FOXP1: variants seen among roughly 807,000 people sequenced by gnomAD.
FOXP1 encodes forkhead box P1.
Under a neutral mutation model 98.2 loss-of-function variants are expected in FOXP1, and 15 were observed. The ratio of observed to expected loss-of-function variants is 0.15; its 90% CI spans 0.10 to 0.24. The LOEUF (loss-of-function observed/expected upper bound fraction) is 0.24, where lower values mean the gene tolerates loss of function less well. Among genes scored for constraint, FOXP1 ranks in the 10% least tolerant of loss-of-function variants. The pLI, the probability that FOXP1 is intolerant of heterozygous loss-of-function variation, is 1.00. For missense variants in FOXP1, 633 were observed against 848.5 expected, an observed-to-expected ratio of 0.75 and a Z score of 3.15; for synonymous variants, 371 against 314.5, an observed-to-expected ratio of 1.18 and a Z score of -1.90.
At chr3:71,382,229 G>T (rs955001125) in intron 3 of FOXP1, among the ~76,000 whole-genome samples, 1 of 152,060 alleles carries the variant, frequency 6.6e-6, no homozygotes, top group Non-Finnish European at 1.5e-5. Flanking sequence ...GAGCCATGAT[G>T]GCACCCCTGC....
At chr3:71,329,778 T>C (rs1446794409) in intron 4 of FOXP1, 1 of 152,194 alleles carries the variant, frequency 6.6e-6, no homozygotes, top group Non-Finnish European at 1.5e-5. Flanking sequence ...TTGATAACAT[T>C]ACCGCTGGAA....
intron 5 of FOXP1, among the ~76,000 whole-genome samples, chr3:71,239,841 G>A (rs942378873): frequency 1.3e-5 from 2 of 152,350 alleles, no homozygotes; most frequent in South Asian, 2.1e-4. Context: ...AAAGTTGGAC[G>A]AAATTCCATA....
chr3:71,001,703 G>A (rs1241890544), intron 12 of FOXP1, among the ~76,000 whole-genome samples: 1 of 152,188 alleles, frequency 6.6e-6, no homozygotes, highest in African/African-American at 2.4e-5. Context: ...GCCACATGCT[G>A]AGTATGCCTG....
intron 12 of FOXP1, among the ~76,000 whole-genome samples, chr3:71,013,360 TA>T (rs770694348): frequency 3.3e-5 from 5 of 152,198 alleles, no homozygotes; most frequent in Non-Finnish European, 7.4e-5. Context: ...AATTGGCCAG[TA>T]ATTGTCACCA....
intron 6 of FOXP1, among the ~76,000 whole-genome samples, chr3:71,166,276 C>G (rs1228150514): frequency 6.6e-6 from 1 of 152,132 alleles, no homozygotes; most frequent in Non-Finnish European, 1.5e-5. Flanking sequence ...GAGAGGAACA[C>G]AAGCAAGTGG....
At chr3:71,582,710 G>A (rs2048283301) in intron 1 of FOXP1, 46 of 985,388 alleles carry the variant, frequency 4.7e-5, no homozygotes, top group Non-Finnish European at 5.4e-5. Context: ...CGTGGATCTG[G>A]CCACGGCTGT....
chr3:71,276,550 C>T (rs2070912220), intron 5 of FOXP1, among the ~76,000 whole-genome samples: 1 of 152,204 alleles, frequency 6.6e-6, no homozygotes, highest in African/African-American at 2.4e-5. Flanking sequence ...TCTCACATCC[C>T]TTACTCTATC....
chr3:71,238,295 G>A (rs1396234634), intron 5 of FOXP1, among the ~76,000 whole-genome samples: 1 of 152,182 alleles, frequency 6.6e-6, no homozygotes. Context: ...TTCCTCATTA[G>A]TAAGTAGGGA....
chr3:71,124,574 T>C (rs533617322), intron 6 of FOXP1, among the ~76,000 whole-genome samples: 41 of 151,698 alleles, frequency 2.7e-4, no homozygotes, highest in African/African-American at 9.2e-4. Flanking sequence ...TACAGCATGA[T>C]GTATGCAAGT....
chr3:71,294,232 G>A (rs764013343), intron 5 of FOXP1, among the ~76,000 whole-genome samples: 3 of 152,190 alleles, frequency 2.0e-5, no homozygotes, highest in Non-Finnish European at 2.9e-5. Flanking sequence ...TGAAAAGTCA[G>A]TACACCTTAA....
At chr3:71,157,068 C>T (rs909850346) in intron 6 of FOXP1, among the ~76,000 whole-genome samples, 1 of 152,196 alleles carries the variant, frequency 6.6e-6, no homozygotes, top group Non-Finnish European at 1.5e-5. Flanking sequence ...CATACACTTC[C>T]AATGCAGAGA....
At chr3:71,491,493 C>A (rs1314415462) in intron 3 of FOXP1, among the ~76,000 whole-genome samples, 1 of 152,222 alleles carries the variant, frequency 6.6e-6, no homozygotes, top group Non-Finnish European at 1.5e-5. Context: ...TCTAAAATTT[C>A]ATGACTCCAT....
chr3:70,960,250 G>C (rs1018057468), intron 20 of FOXP1, among the ~76,000 whole-genome samples: 7 of 152,086 alleles, frequency 4.6e-5, no homozygotes, highest in African/African-American at 1.7e-4. Context: ...AGAGGAAAAG[G>C]CTCGCTCAAC....
At chr3:71,468,895 T>C (rs531183001) in intron 3 of FOXP1, among the ~76,000 whole-genome samples, 1 of 152,268 alleles carries the variant, frequency 6.6e-6, no homozygotes, top group South Asian at 2.1e-4. Context: ...CAGGACCACG[T>C]TGGCATGTGG....
At position 71,395,624 on chromosome 3, in the gene FOXP1, T is replaced by C. The variant is rs534463240; in HGVS notation, c.-167-36380A>G. Among the ~76,000 whole-genome samples, 28 of 152,240 alleles carry C rather than the reference T, an allele frequency of 1.8e-4. No individual in the cohort carries two copies. In the South Asian group the frequency reaches 5.8e-3, roughly 32 times the overall value. ...TCCTCTGATACTGTTCTTTGTTGTT[T>C]GTTTAGTATCTGTACCCTACTAGAA... On this transcript the variant is annotated intron_variant, in intron 3 of 20. Coordinates refer to ENST00000649528, the MANE Select transcript of FOXP1 (RefSeq NM_001349338.3).
At chr3:71,103,035 T>C (rs2057106838) in intron 7 of FOXP1, among the ~76,000 whole-genome samples, 1 of 152,210 alleles carries the variant, frequency 6.6e-6, no homozygotes. Context: ...ATGATAACTA[T>C]TATCTTTCTG....
At chr3:71,268,814 C>T (rs144220910) in intron 5 of FOXP1, among the ~76,000 whole-genome samples, 20 of 152,270 alleles carry the variant, frequency 1.3e-4, no homozygotes, top group Non-Finnish European at 1.8e-4. Flanking sequence ...GTCCACCTGT[C>T]CACCAGGATG....
At chr3:71,167,076 TCA>T (rs1349977311) in intron 6 of FOXP1, among the ~76,000 whole-genome samples, 1 of 151,858 alleles carries the variant, frequency 6.6e-6, no homozygotes, top group Non-Finnish European at 1.5e-5. Context: ...GGATACGAGA[TCA>T]CAGTGTTATC....
chr3:71,552,367 ATATT>A (rs200924616), intron 2 of FOXP1, among the ~76,000 whole-genome samples: 1,982 of 152,184 alleles, frequency 0.013, 24 homozygotes, highest in Non-Finnish European at 0.021. Context: ...GAAAATATAA[ATATT>A]TCTTTATTTT....
Sources: allele counts gnomAD v4.1 joint callset (sites outside exome capture counted in the v4.1 genomes callset), GRCh38; gene constraint gnomAD v4.1.1; transcripts MANE v1.5; gene names NCBI Gene and HGNC (gene_info 2026-07-23, HGNC 2026-07-21).